Variants in RFC3 observed in about 807,000 individuals in gnomAD.
RFC3 encodes the protein replication factor C subunit 3.
RFC3 carries 41 observed loss-of-function variants against 45.1 expected under a neutral mutation model. The ratio of observed to expected loss-of-function variants is 0.91; its 90% confidence interval spans 0.71 to 1.18. The LOEUF (loss-of-function observed/expected upper bound fraction) is 1.18. Ranked by LOEUF, RFC3 falls within the 50% of genes most tolerant of loss-of-function variation. The pLI is 0.00. For synonymous variants in RFC3, 149 were observed against 144.0 expected (o/e 1.03, Z -0.25); for missense variants, 423 against 428.1 (o/e 0.99, Z 0.10).
At chr13:33,881,897 C>T (rs2082487339) in intron 8 of RFC3, among the ~76,000 whole-genome samples, 2 of 152,144 alleles carry the variant, frequency 1.3e-5, no homozygotes, top group South Asian at 2.1e-4. Flanking sequence ...CTAATAGGAG[C>T]ACTGTGGTAT....
chr13:33,845,405 T>G (rs1168621358), intron 8 of RFC3, among the ~76,000 whole-genome samples: 1 of 152,216 alleles, frequency 6.6e-6, no homozygotes, highest in African/African-American at 2.4e-5. Flanking sequence ...GGCCAGTAAC[T>G]CTTAGATATG....
At chr13:33,881,759 A>G (rs1257190395) in intron 8 of RFC3, among the ~76,000 whole-genome samples, 1 of 151,928 alleles carries the variant, frequency 6.6e-6, no homozygotes, top group Non-Finnish European at 1.5e-5. Flanking sequence ...TCTGCCCATC[A>G]GGCTTTGATG....
chr13:33,899,289 A>G (rs2082623696), intron 8 of RFC3, among the ~76,000 whole-genome samples: 1 of 151,560 alleles, frequency 6.6e-6, no homozygotes. Flanking sequence ...TCTCAACAAA[A>G]TACGAGCAAA....
intron 8 of RFC3, among the ~76,000 whole-genome samples, chr13:33,854,980 C>T (rs959772364): frequency 2.0e-5 from 3 of 151,652 alleles, no homozygotes; most frequent in African/African-American, 2.4e-5. Flanking sequence ...CTAATCATGA[C>T]GGAAACAAAA....
intron 8 of RFC3, chr13:33,850,947 G>A (rs753871878): frequency 2.0e-5 from 3 of 151,840 alleles, no homozygotes; most frequent in African/African-American, 4.8e-5. Context: ...TATTACTTTC[G>A]GATTTTTTTC....
At chr13:33,973,670 T>C in the RFC3 span, among the ~76,000 whole-genome samples, 3 of 150,360 alleles carry the variant, frequency 2.0e-5, no homozygotes, top group African/African-American at 2.4e-5. Context: ...TTTTTTTTTT[T>C]GACAGAGTCT....
At chr13:33,970,431 T>C (rs1207492001), downstream of RFC3, among the ~76,000 whole-genome samples, 2 of 152,248 alleles carry the variant, frequency 1.3e-5, no homozygotes, top group Non-Finnish European at 2.9e-5. Context: ...ATGCTTTATG[T>C]CCCTTTGGGC....
At chr13:33,946,145 T>C (rs911299898) in intron 8 of RFC3, among the ~76,000 whole-genome samples, 2 of 152,220 alleles carry the variant, frequency 1.3e-5, no homozygotes, top group Non-Finnish European at 2.9e-5. Flanking sequence ...GTACAATTGC[T>C]GTGTTTGCCT....
At chr13:33,863,720 C>A (rs2137543485) in intron 8 of RFC3, among the ~76,000 whole-genome samples, 1 of 152,270 alleles carries the variant, frequency 6.6e-6, no homozygotes, top group South Asian at 2.1e-4. Flanking sequence ...ACCGCTAAGT[C>A]CTTTGTTCCA....
intron 7 of RFC3, among the ~76,000 whole-genome samples, chr13:33,833,046 A>G (rs1281869740): frequency 6.6e-6 from 1 of 152,182 alleles, no homozygotes; most frequent in Non-Finnish European, 1.5e-5. Flanking sequence ...TAAACCAACA[A>G]TTGTAGGAAT....
intron 8 of RFC3, among the ~76,000 whole-genome samples, chr13:33,887,647 T>A (rs1173335969): frequency 6.6e-6 from 1 of 152,046 alleles, no homozygotes; most frequent in Non-Finnish European, 1.5e-5. Flanking sequence ...TAATTAGATG[T>A]CAATTTTGGC....
chr13:33,836,030 TG>T, intron 8 of RFC3, 73 bp from the exon 9 acceptor site: 1 of 1,421,672 alleles, frequency 7.0e-7, no homozygotes, highest in Non-Finnish European at 9.5e-7. Context: ...TTAGTCTTTT[TG>T]TGAATGGGAG....
At chr13:33,907,493 A>G (rs1313357558) in intron 8 of RFC3, among the ~76,000 whole-genome samples, 3 of 152,096 alleles carry the variant, frequency 2.0e-5, no homozygotes, top group Non-Finnish European at 4.4e-5. Flanking sequence ...TTAAATCTAT[A>G]CCTGAAAATA....
In RFC3 at chr13:33,844,598, C is replaced by T. The variant is rs2082224219; in HGVS notation, c.879+9381C>T. ...TATCAGGTTTGCAAATAATATAACTCATTATTTTAAACTGATGACAATTTA... is the reference window on the plus strand; with the variant it reads ...TATCAGGTTTGCAAATAATATAACTTATTATTTTAAACTGATGACAATTTA... On this transcript the variant is annotated intron_variant, in intron 8 of 8. Coordinates refer to the RFC3 transcript ENST00000434425. Among the ~76,000 whole-genome samples, 6 of 152,232 alleles carry T rather than the reference C, an allele frequency of 3.9e-5. No homozygotes were observed. In the South Asian group the frequency reaches 1.2e-3, roughly 32 times the overall value.
chr13:33,947,933 G>A (rs1395585258), intron 8 of RFC3, among the ~76,000 whole-genome samples: 1 of 152,198 alleles, frequency 6.6e-6, no homozygotes, highest in Non-Finnish European at 1.5e-5. Context: ...GAGCATAAAT[G>A]TTTGGAAAAT....
chr13:33,856,306 A>T (rs755806605), intron 8 of RFC3, among the ~76,000 whole-genome samples: 1 of 152,164 alleles, frequency 6.6e-6, no homozygotes, highest in African/African-American at 2.4e-5. Flanking sequence ...GGACACAGAC[A>T]GGTAAACAGC....
intron 8 of RFC3, among the ~76,000 whole-genome samples, chr13:33,863,031 C>A (rs975898348): frequency 6.6e-6 from 1 of 152,128 alleles, no homozygotes; most frequent in East Asian, 1.9e-4. Flanking sequence ...GAGGTCCTTA[C>A]ATATAGTGTT....
intron 8 of RFC3, among the ~76,000 whole-genome samples, chr13:33,918,303 C>A (rs1396564275): frequency 6.6e-6 from 1 of 152,126 alleles, no homozygotes; most frequent in African/African-American, 2.4e-5. Flanking sequence ...GGTTTCTGAC[C>A]TCAGCAACTG....
At chr13:33,868,962 A>G (rs566385873) in intron 8 of RFC3, among the ~76,000 whole-genome samples, 1 of 152,200 alleles carries the variant, frequency 6.6e-6, no homozygotes, top group African/African-American at 2.4e-5. Flanking sequence ...GTACAAAGCC[A>G]GGTGAGAAGT....
Sources: gnomAD v4.1 joint callset for allele counts (sites outside exome capture counted in the v4.1 genomes callset) on GRCh38, gnomAD v4.1.1 for gene constraint, MANE v1.5 for transcripts, NCBI Gene and HGNC (gene_info 2026-07-23, HGNC 2026-07-21) for gene names.